Variants in CNTNAP2 observed in about 807,000 individuals in gnomAD.
CNTNAP2 encodes contactin-associated protein-like 2.
CNTNAP2 carries 98 observed loss-of-function variants against 155.2 expected under a neutral mutation model. The observed-to-expected ratio is 0.63, with a 90% CI of 0.54 to 0.75. The LOEUF (loss-of-function observed/expected upper bound fraction) is 0.75, where lower values mean the gene tolerates loss of function less well. Ranked by LOEUF, CNTNAP2 falls within the 30% of genes least tolerant of loss-of-function variation. The pLI is 0.00. For missense variants in CNTNAP2, 1,727 were observed against 1,688.1 expected (o/e 1.02, Z -0.40); for synonymous variants, 651 against 631.2 (o/e 1.03, Z -0.47).
chr7:146,881,962 CCTT>C (rs1562985712), intron 3 of CNTNAP2, among the ~76,000 whole-genome samples: 1 of 151,910 alleles, frequency 6.6e-6, no homozygotes, highest in Non-Finnish European at 1.5e-5. Context: ...CTTGCCTCCT[CCTT>C]CTCTCCTTCC....
At chr7:147,487,334 A>G (rs1798527441) in intron 11 of CNTNAP2, among the ~76,000 whole-genome samples, 1 of 152,210 alleles carries the variant, frequency 6.6e-6, no homozygotes, top group Admixed American at 6.5e-5. Context: ...TAATGAATAA[A>G]GAACAAAAAT....
intron 13 of CNTNAP2, among the ~76,000 whole-genome samples, chr7:147,693,893 G>A (rs1796125318): frequency 6.6e-6 from 1 of 152,002 alleles, no homozygotes; most frequent in African/African-American, 2.4e-5. Context: ...AAAAGCAGTG[G>A]TGAGAGGGGA....
intron 15 of CNTNAP2, among the ~76,000 whole-genome samples, chr7:147,994,255 C>T (rs530200710): frequency 6.6e-6 from 1 of 151,750 alleles, no homozygotes; most frequent in East Asian, 1.9e-4. Context: ...GCCCGTGGCC[C>T]AACTACTTGG....
chr7:147,495,364 A>G lies in CNTNAP2; in HGVS notation c.1777+9323A>G, dbSNP rs368873041. ...GCAGAACTTTGGTGTAAACCTTGGT[A>G]GCTTGAACCAGACCACAGTGGAAGA... On this transcript the variant is annotated intron_variant, in intron 11 of 23. Coordinates refer to ENST00000361727, the MANE Select transcript of CNTNAP2 (RefSeq NM_014141.6). Among the ~76,000 whole-genome samples, 39 of 152,342 alleles carry G rather than the reference A, an allele frequency of 2.6e-4. No individual in the cohort carries two copies. The East Asian group carries it at 4.6e-3, about 18-fold the overall frequency.
intron 1 of CNTNAP2, among the ~76,000 whole-genome samples, chr7:146,526,314 T>C (rs1265142514): frequency 6.6e-6 from 1 of 152,166 alleles, no homozygotes; most frequent in African/African-American, 2.4e-5. Flanking sequence ...TCGAGTAATT[T>C]ATAAGGAAAT....
intron 2 of CNTNAP2, among the ~76,000 whole-genome samples, chr7:146,821,675 A>T (rs909901580): frequency 2.0e-5 from 3 of 152,148 alleles, no homozygotes; most frequent in African/African-American, 7.2e-5. Flanking sequence ...GTGAACAGAC[A>T]CTTCTCAAAA....
chr7:147,330,437 T>G (rs1024490587), intron 9 of CNTNAP2, among the ~76,000 whole-genome samples: 1 of 152,186 alleles, frequency 6.6e-6, no homozygotes, highest in Non-Finnish European at 1.5e-5. Flanking sequence ...AGCAAATTAT[T>G]GAACCCTAGG....
intron 14 of CNTNAP2, among the ~76,000 whole-genome samples, chr7:147,904,839 T>C (rs1799932158): frequency 6.6e-6 from 1 of 152,146 alleles, no homozygotes; most frequent in African/African-American, 2.4e-5. Flanking sequence ...TCTTTAATTA[T>C]GGATTATTGT....
intron 3 of CNTNAP2, among the ~76,000 whole-genome samples, chr7:147,034,825 C>G (rs112586056): frequency 0.058 from 8,852 of 152,158 alleles, 694 homozygotes; most frequent in African/African-American, 0.18. Context: ...CTCTCGATGT[C>G]CAGACACTTG....
chr7:147,777,371 G>C (rs957136765), intron 13 of CNTNAP2, among the ~76,000 whole-genome samples: 3 of 152,114 alleles, frequency 2.0e-5, no homozygotes, highest in Non-Finnish European at 4.4e-5. Flanking sequence ...ATTTAGAATG[G>C]CAAATGTCTG....
At chr7:146,132,636 A>G (rs1048942434) in intron 1 of CNTNAP2, among the ~76,000 whole-genome samples, 2 of 144,798 alleles carry the variant, frequency 1.4e-5, no homozygotes, top group Admixed American at 7.2e-5. Context: ...TCATTGTTCA[A>G]TTCCCACCTA....
chr7:146,442,785 G>T (rs1584927667), intron 1 of CNTNAP2, among the ~76,000 whole-genome samples: 1 of 152,184 alleles, frequency 6.6e-6, no homozygotes, highest in Non-Finnish European at 1.5e-5. Flanking sequence ...AGTACTTGAG[G>T]CTTGAGGACT....
chr7:147,272,820 T>C (rs754876596), intron 8 of CNTNAP2, among the ~76,000 whole-genome samples: 2 of 152,134 alleles, frequency 1.3e-5, no homozygotes, highest in Non-Finnish European at 2.9e-5. Context: ...TATTCCAGTT[T>C]CTTTAAGCTT....
chr7:147,143,496 T>C lies in CNTNAP2; in HGVS notation c.1348+10987T>C, dbSNP rs532824030. On this transcript the variant is annotated intron_variant, in intron 8 of 23. Transcript: ENST00000361727. ...TTTTTTTAAGAACAACAATCCCACT[T>C]TTCCTTTGTCTGTCCACCTCTGAGT... 3.7e-4 allele frequency among the ~76,000 whole-genome samples: 57 copies of C among 152,192 alleles called. 2 individuals are homozygous for C. The highest frequency in any genetic ancestry group is 5.9e-5 in the Non-Finnish European group (4 of 68,034).
At chr7:146,658,448 C>A (rs984167027) in intron 1 of CNTNAP2, among the ~76,000 whole-genome samples, 29 of 150,284 alleles carry the variant, frequency 1.9e-4, no homozygotes, top group African/African-American at 7.1e-4. Flanking sequence ...AAGGAATATT[C>A]ATCCTTTTCA....
chr7:146,940,984 C>G (rs1212481254), intron 3 of CNTNAP2, among the ~76,000 whole-genome samples: 7 of 151,926 alleles, frequency 4.6e-5, no homozygotes, highest in African/African-American at 1.7e-4. Context: ...TATTCTTGCT[C>G]TTTTTTAAAG....
At chr7:147,238,806 C>T (rs1803874723) in intron 8 of CNTNAP2, among the ~76,000 whole-genome samples, 1 of 152,124 alleles carries the variant, frequency 6.6e-6, no homozygotes, top group Admixed American at 6.6e-5. Flanking sequence ...ACAGATTCAG[C>T]AATTAATTTC....
chr7:146,994,694 A>G (rs1798274475), intron 3 of CNTNAP2, among the ~76,000 whole-genome samples: 1 of 152,142 alleles, frequency 6.6e-6, no homozygotes, highest in Non-Finnish European at 1.5e-5. Flanking sequence ...GCAGTTTTAC[A>G]TATCTGTGGT....
chr7:147,213,021 T>C (rs545546274), intron 8 of CNTNAP2, among the ~76,000 whole-genome samples: 1 of 152,050 alleles, frequency 6.6e-6, no homozygotes, highest in Non-Finnish European at 1.5e-5. Flanking sequence ...ACCAACAGAA[T>C]GGGATATATA....
Sources: allele counts gnomAD v4.1 joint callset (sites outside exome capture counted in the v4.1 genomes callset), GRCh38; gene constraint gnomAD v4.1.1; transcripts MANE v1.5; gene names NCBI Gene and HGNC (gene_info 2026-07-23, HGNC 2026-07-21).